Variants in PIAS1 observed in about 807,000 individuals in gnomAD.
The protein encoded by PIAS1 is E3 SUMO-protein ligase PIAS1.
PIAS1 carries 6 observed loss-of-function variants against 71.3 expected under a neutral mutation model. That is an observed-to-expected ratio of 0.08 (90% CI 0.05 to 0.17). The LOEUF (loss-of-function observed/expected upper bound fraction) is 0.17, where lower values mean the gene tolerates loss of function less well. Among genes scored for constraint, PIAS1 ranks in the 10% least tolerant of loss-of-function variants. The pLI, the probability that PIAS1 is intolerant of heterozygous loss-of-function variation, is 1.00. For missense variants in PIAS1, 555 were observed against 793.6 expected, an observed-to-expected ratio of 0.70 and a Z score of 3.61; for synonymous variants, 303 against 292.9, an observed-to-expected ratio of 1.03 and a Z score of -0.35.
chr15:68,159,309 T>C (rs1239710701), intron 7 of PIAS1, among the ~76,000 whole-genome samples: 1 of 152,204 alleles, frequency 6.6e-6, no homozygotes, highest in Admixed American at 6.5e-5. Context: ...TATGATTAAA[T>C]ATAGCATAGT....
At chr15:68,064,627 A>G (rs2091997240) in intron 1 of PIAS1, among the ~76,000 whole-genome samples, 1 of 152,228 alleles carries the variant, frequency 6.6e-6, no homozygotes, top group Non-Finnish European at 1.5e-5. Flanking sequence ...TTGGTGAAGG[A>G]TCAAAGAATA....
chr15:68,075,943 TG>T (rs1163759734), intron 1 of PIAS1, among the ~76,000 whole-genome samples: 2 of 152,100 alleles, frequency 1.3e-5, no homozygotes, highest in Non-Finnish European at 2.9e-5. Flanking sequence ...GGACCGTGCC[TG>T]GTTCATTTTT....
At chr15:68,063,269 A>G (rs2091980696) in intron 1 of PIAS1, among the ~76,000 whole-genome samples, 1 of 152,188 alleles carries the variant, frequency 6.6e-6, no homozygotes, top group African/African-American at 2.4e-5. Flanking sequence ...TTAAAATAGA[A>G]CTTAACATGC....
rs2093114987 is a variant in PIAS1 at position 68,190,649 on chromosome 15, TG to T, written c.*2815del. On this transcript the variant is annotated 3_prime_UTR_variant, in exon 14 of 14. Transcript: ENST00000249636. This position sits in a 1 kb window ranked among gnomAD's most constrained non-coding sequence, Gnocchi z 4.7. The stretch of plus-strand genomic sequence containing the variant: ...TTCTGTACAGTACTGTGTGTGTGTG[TG>T]TGTATATATATATACATCTGTATGC... 3.3e-5 allele frequency: 5 copies of T among 152,016 alleles called. No individual in the cohort carries two copies. The highest frequency in any genetic ancestry group is 9.7e-5 in the African/African-American group (4 of 41,370). The allele number at this position is 152,016 out of a possible 1,614,324, so 9.4% of individuals were successfully genotyped here.
At chr15:68,114,866 CT>C (rs1320708549) in intron 2 of PIAS1, among the ~76,000 whole-genome samples, 2 of 151,802 alleles carry the variant, frequency 1.3e-5, no homozygotes, top group South Asian at 4.2e-4. Flanking sequence ...TCTTTCTGCA[CT>C]TTTTATGTAT....
Position 68,173,744 on chromosome 15 carries a change from C to T in PIAS1, c.1021C>T (p.Arg341Trp). The change falls in exon 9 of 14, where the codon CGG becomes TGG. Residue 341 changes from arginine (R) to tryptophan (W), a missense_variant. By Grantham distance (101) the Arg-to-Trp change is moderately radical. Transcript: ENST00000249636. The surrounding 1 kb of genome is among the most constrained non-coding windows in gnomAD (Gnocchi z 4.3). ...TCCCTTTTTAAAGCTTGGTAAAATG[C>T]GGCTGACAATTCCGTGTCGGGCCCT... ...VSLLCPLGKMRLTIPCRALTC... is the reference protein window; with the variant it reads ...VSLLCPLGKMWLTIPCRALTC... 5 of 1,535,566 alleles carry T rather than the reference C, an allele frequency of 3.3e-6. No homozygotes were observed. The highest frequency in any genetic ancestry group is 1.9e-5 in the Admixed American group (1 of 53,128).
At chr15:68,090,979 T>C (rs577814139) in intron 2 of PIAS1, among the ~76,000 whole-genome samples, 1 of 150,860 alleles carries the variant, frequency 6.6e-6, no homozygotes, top group African/African-American at 2.4e-5. Flanking sequence ...TGGTTTCATT[T>C]TGAAGGAGAG....
At chr15:68,155,483 T>C (rs1567067592) in intron 7 of PIAS1, among the ~76,000 whole-genome samples, 1 of 124,892 alleles carries the variant, frequency 8.0e-6, no homozygotes, top group African/African-American at 2.6e-5. Context: ...CCAAAAACTT[T>C]CCCAACAAAT....
intron 1 of PIAS1, among the ~76,000 whole-genome samples, chr15:68,083,518 A>G (rs1050767767): frequency 6.6e-6 from 1 of 152,154 alleles, no homozygotes; most frequent in African/African-American, 2.4e-5. Flanking sequence ...CAAAATGTTG[A>G]AGCTTGAAAT....
rs145213258 is a variant in PIAS1, at chr15:68,190,767, A to T, written c.*2932A>T. 6.6e-6 allele frequency: 1 copy of T among 152,224 alleles called. No homozygotes were observed. Among genetic ancestry groups the T allele is most frequent in the Admixed American group, 6.5e-5 (1 of 15,278 alleles). The allele number at this position is 152,224 out of a possible 1,614,324, so 9.4% of individuals were successfully genotyped here. Reference sequence around the variant, plus strand: ...GTTATTGGATACATCTTAAAAAAAAAAAATCTGAACCAGAACCATGCCATA... The same window carrying T: ...GTTATTGGATACATCTTAAAAAAAATAAATCTGAACCAGAACCATGCCATA... On this transcript the variant is annotated 3_prime_UTR_variant, in exon 14 of 14. Coordinates refer to ENST00000249636, the MANE Select transcript of PIAS1 (RefSeq NM_016166.3). This position sits in a 1 kb window ranked among gnomAD's most constrained non-coding sequence, Gnocchi z 4.7.
chr15:68,111,940 T>C (rs781466487), intron 2 of PIAS1, among the ~76,000 whole-genome samples: 1 of 152,142 alleles, frequency 6.6e-6, no homozygotes, highest in Non-Finnish European at 1.5e-5. Flanking sequence ...CCATACACTT[T>C]CTTAGGTGAC....
chr15:68,065,121 C>G (rs911512731), intron 1 of PIAS1, among the ~76,000 whole-genome samples: 1 of 152,062 alleles, frequency 6.6e-6, no homozygotes, highest in East Asian at 1.9e-4. Flanking sequence ...TAGATTTAAT[C>G]GACATAAAGT....
At chr15:68,168,877 G>A (rs1439455435) in intron 8 of PIAS1, among the ~76,000 whole-genome samples, 1 of 152,166 alleles carries the variant, frequency 6.6e-6, no homozygotes, top group Admixed American at 6.6e-5. Context: ...GAAGATAAAG[G>A]CTTGAGAGTT....
intron 7 of PIAS1, among the ~76,000 whole-genome samples, chr15:68,162,001 A>G (rs2092927733): frequency 6.6e-6 from 1 of 151,814 alleles, no homozygotes; most frequent in Admixed American, 6.6e-5. Flanking sequence ...GTGCAATGGC[A>G]GCAATTTCAG....
At chr15:68,088,826 A>G (rs1450332465) in intron 2 of PIAS1, among the ~76,000 whole-genome samples, 1 of 152,218 alleles carries the variant, frequency 6.6e-6, no homozygotes, top group Non-Finnish European at 1.5e-5. Context: ...TGAAGTGGCT[A>G]CATTTGTCAC....
intron 1 of PIAS1, among the ~76,000 whole-genome samples, chr15:68,072,121 G>A (rs1433035466): frequency 1.3e-5 from 2 of 150,300 alleles, no homozygotes; most frequent in Non-Finnish European, 1.5e-5. Flanking sequence ...GAAGTTGGCC[G>A]GGCGCAGTGG....
intron 2 of PIAS1, among the ~76,000 whole-genome samples, chr15:68,096,437 A>T (rs1217775447): frequency 1.4e-4 from 20 of 142,938 alleles, no homozygotes; most frequent in Non-Finnish European, 2.6e-4. Context: ...CAACTTTAGG[A>T]TTTTTTTTTT....
chr15:68,151,242 C>T (rs1188930706), intron 6 of PIAS1, among the ~76,000 whole-genome samples: 1 of 152,004 alleles, frequency 6.6e-6, no homozygotes, highest in East Asian at 1.9e-4. Flanking sequence ...ATTACCAGTA[C>T]AAGTGGCATT....
chr15:68,183,704 C>T lies in PIAS1; in HGVS notation c.1662+37C>T, dbSNP rs1595798549. The T allele has an allele frequency of 8.8e-6, 7 of 798,458 alleles. No individual in the cohort carries two copies. In the East Asian group the frequency reaches 1.4e-4, roughly 16 times the overall value. 49.5% of individuals were successfully genotyped at this position (798,458 alleles called of 1,614,324 possible). On this transcript the variant is annotated intron_variant, in intron 13 of 13. Transcript: ENST00000249636. ...AAAATTTACTATTATTTTAATTGTA[C>T]ATTAAAAATACAGTCATGCGCCACA...
Sources: allele counts gnomAD v4.1 joint callset (sites outside exome capture counted in the v4.1 genomes callset), GRCh38; gene constraint gnomAD v4.1.1; non-coding constraint Gnocchi (gnomAD v3.1); transcripts MANE v1.5; gene names NCBI Gene and HGNC (gene_info 2026-07-23, HGNC 2026-07-21).